Variants in CAB39 observed in about 807,000 individuals in gnomAD.
CAB39 encodes calcium-binding protein 39.
In CAB39, 8 loss-of-function variants were observed where a neutral mutation model predicts 40.0. The observed-to-expected ratio is 0.20, with a 90% CI of 0.12 to 0.36. The LOEUF is 0.36. Ranked by LOEUF, CAB39 falls within the 10% of genes least tolerant of loss-of-function variation. The pLI is 1.00. For missense variants in CAB39, 270 were observed against 401.1 expected, an observed-to-expected ratio of 0.67 and a Z score of 2.79; for synonymous variants, 156 against 141.6, an observed-to-expected ratio of 1.10 and a Z score of -0.72.
At chr2:230,807,251 G>A (rs1220957317) in intron 5 of CAB39, among the ~76,000 whole-genome samples, 2 of 151,760 alleles carry the variant, frequency 1.3e-5, no homozygotes, top group African/African-American at 4.9e-5. Context: ...TGAGCTGTCC[G>A]AAGTTTTTGG....
At chr2:230,773,411 A>T (rs1695527947) in intron 2 of CAB39, among the ~76,000 whole-genome samples, 1 of 151,610 alleles carries the variant, frequency 6.6e-6, no homozygotes, top group Non-Finnish European at 1.5e-5. Context: ...AGTAGTGAAT[A>T]AAAAAAGACT....
intron 1 of CAB39, among the ~76,000 whole-genome samples, chr2:230,737,134 C>A (rs1328736515): frequency 6.6e-6 from 1 of 152,138 alleles, no homozygotes; most frequent in Admixed American, 6.5e-5. Context: ...TTTTAATAGA[C>A]ACAGTTTTAA....
At chr2:230,763,067 A>G (rs1466067222) in intron 2 of CAB39, among the ~76,000 whole-genome samples, 1 of 152,240 alleles carries the variant, frequency 6.6e-6, no homozygotes, top group African/African-American at 2.4e-5. Context: ...GAAAAATTTA[A>G]CAATATTTAT....
intron 3 of CAB39, among the ~76,000 whole-genome samples, chr2:230,792,367 C>G (rs565697803): frequency 2.7e-4 from 41 of 152,314 alleles, no homozygotes; most frequent in Admixed American, 2.5e-3. Context: ...AAGGCTGGTT[C>G]TTAGAGATTG....
At chr2:230,745,393 T>C (rs1381276101) in intron 1 of CAB39, among the ~76,000 whole-genome samples, 8 of 152,204 alleles carry the variant, frequency 5.3e-5, no homozygotes, top group African/African-American at 1.9e-4. Context: ...GGAAGTTTGT[T>C]TTAGTTAAGA....
At chr2:230,765,302 C>T (rs992797985) in intron 2 of CAB39, among the ~76,000 whole-genome samples, 1 of 152,110 alleles carries the variant, frequency 6.6e-6, no homozygotes, top group African/African-American at 2.4e-5. Context: ...GCAATAACTG[C>T]TATTAAAGTT....
At chr2:230,809,441 G>T (rs1192541655) in intron 5 of CAB39, among the ~76,000 whole-genome samples, 4 of 152,174 alleles carry the variant, frequency 2.6e-5, no homozygotes, top group Non-Finnish European at 4.4e-5. Context: ...TAGTTTACCA[G>T]CTACTGGCCA....
At chr2:230,814,948 TA>T (rs1198490365) in intron 7 of CAB39, among the ~76,000 whole-genome samples, 3 of 152,204 alleles carry the variant, frequency 2.0e-5, no homozygotes, top group Non-Finnish European at 4.4e-5. Flanking sequence ...CAGGTCCATT[TA>T]AAATTTGACT....
Position 230,817,780 on chromosome 2 carries a change from A to G in CAB39, c.720A>G (p.Arg240=), listed in dbSNP as rs1198229314. 3 of 1,610,196 alleles carry G rather than the reference A, an allele frequency of 1.9e-6. No homozygotes were observed. Among genetic ancestry groups the G allele is most frequent in the Non-Finnish European group, 2.5e-6 (3 of 1,177,732 alleles). ...TTCTCGGTGAACTACTACTAGATAG[A>G]CACAACTTCACAATTATGACAAAAT... ...LKLLGELLLD[R]HNFTIMTKYI... Residue 240 remains arginine (R), a synonymous_variant, in exon 8 of 9, where the codon AGA becomes AGG. Coordinates refer to ENST00000258418, the MANE Select transcript of CAB39 (RefSeq NM_016289.4).
intron 1 of CAB39, among the ~76,000 whole-genome samples, chr2:230,752,940 G>A (rs1427446208): frequency 6.6e-6 from 1 of 152,154 alleles, no homozygotes; most frequent in African/African-American, 2.4e-5. Flanking sequence ...ACATCTATAG[G>A]GAGCAGCAGT....
chr2:230,727,612 T>A (rs925580377), intron 1 of CAB39, among the ~76,000 whole-genome samples: 1 of 151,906 alleles, frequency 6.6e-6, no homozygotes, highest in Non-Finnish European at 1.5e-5. Flanking sequence ...AGATGGGGTT[T>A]TGCTATGTTG....
intron 3 of CAB39, among the ~76,000 whole-genome samples, chr2:230,792,639 C>T (rs1695911215): frequency 6.6e-6 from 1 of 152,192 alleles, no homozygotes; most frequent in Non-Finnish European, 1.5e-5. Context: ...ACTACTGTAT[C>T]ATGTGATACT....
At chr2:230,765,858 G>T (rs1468045621) in intron 2 of CAB39, among the ~76,000 whole-genome samples, 1 of 152,126 alleles carries the variant, frequency 6.6e-6, no homozygotes, top group Non-Finnish European at 1.5e-5. Flanking sequence ...GAGAACTCCT[G>T]CCCTAAACCA....
intron 4 of CAB39, among the ~76,000 whole-genome samples, chr2:230,794,001 A>T (rs1163365954): frequency 6.6e-6 from 1 of 152,062 alleles, no homozygotes; most frequent in East Asian, 1.9e-4. Context: ...TGGCAAGGTA[A>T]CCTCCTGCTG....
intron 1 of CAB39, chr2:230,725,437 G>C (rs1055902812): frequency 4.5e-6 from 7 of 1,543,226 alleles, no homozygotes; most frequent in Non-Finnish European, 6.3e-6. Context: ...TTCAGTTCCC[G>C]TAACGGTTCC....
intron 8 of CAB39, 73 bp from the exon 9 acceptor site, chr2:230,818,443 A>G (rs1696443157): frequency 8.0e-7 from 1 of 1,246,732 alleles, no homozygotes; most frequent in African/African-American, 1.5e-5. Flanking sequence ...GCTTTTCTGC[A>G]CTGTGGCCGC....
intron 1 of CAB39, among the ~76,000 whole-genome samples, chr2:230,734,199 C>T (rs1476610460): frequency 6.6e-6 from 1 of 152,202 alleles, no homozygotes; most frequent in East Asian, 1.9e-4. Flanking sequence ...AGAGGTGCAT[C>T]TGGGTCTCAA....
intron 1 of CAB39, chr2:230,713,584 G>C (rs1001884873): frequency 3.9e-5 from 6 of 152,320 alleles, no homozygotes; most frequent in Non-Finnish European, 8.8e-5. Context: ...CGGGTCAACT[G>C]TCACCGGCTG....
chr2:230,740,672 GC>G (rs1694860898), intron 1 of CAB39, among the ~76,000 whole-genome samples: 1 of 152,038 alleles, frequency 6.6e-6, no homozygotes. Flanking sequence ...TGCACAGTTC[GC>G]AATAGGGTTC....
Sources: allele counts gnomAD v4.1 joint callset (sites outside exome capture counted in the v4.1 genomes callset), GRCh38; gene constraint gnomAD v4.1.1; transcripts MANE v1.5; gene names NCBI Gene and HGNC (gene_info 2026-07-23, HGNC 2026-07-21).